IFT172: variants seen among roughly 807,000 people sequenced by gnomAD.
IFT172 encodes intraflagellar transport 172, also known as intraflagellar transport protein 172 homolog.
IFT172 carries 164 observed loss-of-function variants against 248.9 expected under a neutral mutation model. The observed-to-expected ratio is 0.66, with a 90% confidence interval of 0.58 to 0.75. The LOEUF (loss-of-function observed/expected upper bound fraction) is 0.75, where lower values mean the gene tolerates loss of function less well. Among genes scored for constraint, IFT172 ranks in the 30% least tolerant of loss-of-function variants. The pLI, the probability that IFT172 is intolerant of heterozygous loss-of-function variation, is 0.00. For missense variants in IFT172, 1,950 were observed against 2,192.4 expected, an observed-to-expected ratio of 0.89 and a Z score of 2.21; for synonymous variants, 729 against 791.6, an observed-to-expected ratio of 0.92 and a Z score of 1.33.
At chr2:27,456,773 G>A in intron 29 of IFT172, 120 bp from the exon 30 acceptor site, 5 of 1,404,850 alleles carry the variant, frequency 3.6e-6, no homozygotes, top group South Asian at 1.4e-5. Context: ...GGCTGGGTGT[G>A]GTGGCTCATA....
chr2:27,456,498 C>T lies in IFT172; in HGVS notation c.3371+13G>A. 1 of 1,610,320 alleles carries T rather than the reference C, an allele frequency of 6.2e-7. No individual in the cohort carries two copies. Among genetic ancestry groups the T allele is most frequent in the Non-Finnish European group, 8.5e-7 (1 of 1,178,654 alleles). ...TGGGATGGGGCCCGTGGAGAGAAAG[C>T]TTGGGGCCTCACCAATTGTCTGCAG... is the stretch of plus-strand genomic sequence containing the variant. On this transcript the variant is annotated intron_variant, in intron 30 of 47. Transcript: ENST00000260570.
At chr2:27,468,159 CA>C (rs11284567) in intron 16 of IFT172, among the ~76,000 whole-genome samples, 62,057 of 122,882 alleles carry the variant, frequency 0.51, 14,436 homozygotes, top group African/African-American at 0.66. Flanking sequence ...GACTCTGTCT[CA>C]AAAAAAAAAA....
intron 16 of IFT172, among the ~76,000 whole-genome samples, chr2:27,467,613 CAAAAAAAAAAA>C (rs758559563): frequency 9.4e-4 from 50 of 53,136 alleles, no homozygotes; most frequent in Middle Eastern, 0.016. Flanking sequence ...ACCCTGTCTC[CAAAAAAAAAAA>C]AAAAAAAAAA....
Position 27,480,127 on chromosome 2 carries a change from G to T in IFT172, c.808C>A (p.Pro270Thr). The T allele has an allele frequency of 6.2e-7, 1 of 1,613,922 alleles. No homozygotes were observed. The highest frequency in any genetic ancestry group is 8.5e-7 in the Non-Finnish European group (1 of 1,179,918). The change falls in exon 9 of 48, where the codon CCT becomes ACT. Residue 270 changes from proline (P) to threonine (T), a missense_variant. This residue lies in a region of IFT172 where 1,166 missense variants were observed against 1,254.1 expected (regional missense o/e 0.93). Coordinates refer to ENST00000260570, the MANE Select transcript of IFT172 (RefSeq NM_015662.3). Reference sequence around the variant, plus strand: ...GCCTCTTCCCAGATGCTTCTTCGAGGGATCCAGTTGAACACCCGAAGCCTG... The same window carrying T: ...GCCTCTTCCCAGATGCTTCTTCGAGTGATCCAGTTGAACACCCGAAGCCTG... ...YDRLRVFNWIPRRSIWEEAKP... is the reference protein window; with the variant it reads ...YDRLRVFNWITRRSIWEEAKP...
At chr2:27,484,021 C>G in intron 4 of IFT172, 84 bp from the exon 5 acceptor site, 1 of 1,320,182 alleles carries the variant, frequency 7.6e-7, no homozygotes, top group Non-Finnish European at 1.1e-6. Flanking sequence ...CCACCACACA[C>G]CACCACCTCA....
intron 35 of IFT172, among the ~76,000 whole-genome samples, chr2:27,450,841 CG>C (rs1223957498): frequency 6.6e-6 from 1 of 152,138 alleles, no homozygotes; most frequent in Non-Finnish European, 1.5e-5. Flanking sequence ...ATCTGCCCAC[CG>C]TGGCCTCCCA....
In IFT172 at chr2:27,471,137, T is replaced by C. The variant is rs146042729; in HGVS notation, c.1525-42A>G. 3.8e-5 allele frequency: 61 copies of C among 1,590,334 alleles called. No individual in the cohort carries two copies. In the East Asian group the frequency reaches 1.3e-3, roughly 35 times the overall value. On this transcript the variant is annotated intron_variant, in intron 15 of 47. Coordinates refer to ENST00000260570, the MANE Select transcript of IFT172 (RefSeq NM_015662.3). ...CAGGTAACACAATTACAAGGGGATG[T>C]GGGGTTGTCTCCTGCTTTTGACCAT...
At chr2:27,450,144 G>A (rs756796728) in intron 35 of IFT172, 48 bp from the exon 36 acceptor site, 75 of 1,364,228 alleles carry the variant, frequency 5.5e-5, no homozygotes, top group Admixed American at 1.0e-4. Context: ...GACAAATACC[G>A]CTGAGTCCTC....
intron 14 of IFT172, among the ~76,000 whole-genome samples, chr2:27,473,787 TAAGAG>T (rs1335227720): frequency 1.3e-5 from 2 of 152,112 alleles, no homozygotes; most frequent in African/African-American, 4.8e-5. Flanking sequence ...CCAAAAAAGT[TAAGAG>T]AAGAACTTTT....
chr2:27,457,876 C>A lies in IFT172; in HGVS notation c.3076G>T (p.Asp1026Tyr), dbSNP rs1182424796. The change falls in exon 28 of 48, where the codon GAT becomes TAT. Residue 1026 changes from aspartate to tyrosine, a missense_variant. By Grantham distance (160) the Asp-to-Tyr change is radical (BLOSUM62 -3). Around this residue, in one of 3 missense-constraint regions of IFT172, gnomAD observed 164 missense variants for 239.3 expected, o/e 0.69. Coordinates refer to ENST00000260570, the MANE Select transcript of IFT172 (RefSeq NM_015662.3). ...MIRLVGKHHP[D>Y]LLSDTHLHLG... ...TGTAGGTGTGTATCACTGAGGAGAT[C>A]TGGATGGTGCTTCCCTACCAGGCGG... is the stretch of plus-strand genomic sequence containing the variant. 1.2e-6 allele frequency: 2 copies of A among 1,614,058 alleles called. No homozygotes were observed. Among genetic ancestry groups the A allele is most frequent in the African/African-American group, 1.3e-5 (1 of 74,920 alleles).
chr2:27,486,516 T>G (rs945340830), intron 1 of IFT172, among the ~76,000 whole-genome samples: 1 of 152,248 alleles, frequency 6.6e-6, no homozygotes, highest in Non-Finnish European at 1.5e-5. Flanking sequence ...GTTTAATTAT[T>G]TGGACACTAG....
intron 7 of IFT172, 98 bp from the exon 8 acceptor site, chr2:27,481,358 C>A: frequency 1.1e-6 from 1 of 877,584 alleles, no homozygotes; most frequent in Non-Finnish European, 1.8e-6. Context: ...ACCATCATAC[C>A]CTGCAGAAAT....
chr2:27,479,699 T>G (rs750934845), intron 9 of IFT172, 95 bp from the exon 10 acceptor site: 46 of 867,944 alleles, frequency 5.3e-5, no homozygotes, highest in Non-Finnish European at 8.7e-5. Flanking sequence ...AGCTCTAGAG[T>G]CTAGAGAAGA....
In IFT172 at chr2:27,476,669, A is replaced by G. The variant is rs201572769; in HGVS notation, c.1383T>C (p.Tyr461=). ...TAGCAATAGTCTTAATATCAATAAG[A>G]TAAGCCAATTTCTTATTATCTTCTG... ...RGTEDNKKLA[Y]LIDIKTIAIV... Residue 461 remains tyrosine (Y), a synonymous_variant, in exon 14 of 48, where the codon TAT becomes TAC. Transcript: ENST00000260570. 1.0e-5 allele frequency: 16 copies of G among 1,606,896 alleles called. No homozygotes were observed. The highest frequency in any genetic ancestry group is 9.9e-5 in the South Asian group (9 of 90,862).
At chr2:27,465,249 G>A (rs1666999353) in intron 18 of IFT172, 162 bp downstream of exon 18, 2 of 638,972 alleles carry the variant, frequency 3.1e-6, no homozygotes, top group South Asian at 1.8e-5. Context: ...TAGGATGGGA[G>A]AGTGTTTGGA....
rs61742074 is a variant in IFT172 at position 27,446,270 on chromosome 2, A to G, written c.4745T>C (p.Ile1582Thr). The change falls in exon 43 of 48, where the codon ATT becomes ACT. Residue 1582 changes from isoleucine (I) to threonine (T), a missense_variant. Around this residue, in one of 3 missense-constraint regions of IFT172, gnomAD observed 620 missense variants for 699.0 expected, o/e 0.89. Transcript: ENST00000260570. The stretch of plus-strand genomic sequence containing the variant: ...CTTGTCCCAGCTCACCTTGGCAGCA[A>G]TGCCTGCTTCATAGAAGGCTTTGTC... ...PVDKAFYEAG[I>T]AAKAVGWDNM... is the part of the protein sequence containing the mutation. 17,798 of 1,614,106 alleles carry G rather than the reference A, an allele frequency of 0.011. 134 individuals are homozygous for G. Among genetic ancestry groups the G allele is most frequent in the Non-Finnish European group, 0.014 (15,942 of 1,179,952 alleles).
In IFT172 at chr2:27,465,399, T is replaced by C. The variant is rs763596477; in HGVS notation, c.1937+12A>G. ...AGCTGCGTGGCACCTCTGTTCTACA[T>C]GTCTACCTCACCTCTCCGCAATGTG... On this transcript the variant is annotated intron_variant, in intron 18 of 47. Transcript: ENST00000260570. 1.2e-6 allele frequency: 2 copies of C among 1,610,410 alleles called. No homozygotes were observed. Among genetic ancestry groups the C allele is most frequent in the Admixed American group, 3.3e-5 (2 of 60,018 alleles).
In IFT172 at chr2:27,446,304, G is replaced by A. The variant is rs1558351044; in HGVS notation, c.4711C>T (p.Leu1571=). 2 of 1,614,256 alleles carry A rather than the reference G, an allele frequency of 1.2e-6. No individual in the cohort carries two copies. The change falls in exon 43 of 48, where the codon CTA becomes TTA. Residue 1571 remains leucine, a synonymous_variant. Transcript: ENST00000260570. Reference sequence around the variant, plus strand: ...TCATAGAAGGCTTTGTCTACAGGTAGTAGCTGGGTGTGACGCAAGAGTGAA... The same window carrying A: ...TCATAGAAGGCTTTGTCTACAGGTAATAGCTGGGTGTGACGCAAGAGTGAA... The part of the protein sequence containing the change: ...SVSLLRHTQL[L]PVDKAFYEAG...
intron 11 of IFT172, 105 bp downstream of exon 11, chr2:27,477,890 T>A: frequency 7.1e-7 from 1 of 1,409,640 alleles, no homozygotes; most frequent in Non-Finnish European, 9.8e-7. Context: ...TACACCAGAA[T>A]GTTAGAACTT....
Sources: gnomAD v4.1 joint callset for allele counts (sites outside exome capture counted in the v4.1 genomes callset) on GRCh38, gnomAD v4.1.1 for gene constraint, gnomAD v4.1.1 regional missense constraint, MANE v1.5 for transcripts, NCBI Gene and HGNC (gene_info 2026-07-23, HGNC 2026-07-21) for gene names.